Variants in KMT2A observed in about 807,000 individuals in gnomAD.
KMT2A encodes the protein histone-lysine N-methyltransferase 2A.
A neutral mutation model predicts 345.3 loss-of-function variants in KMT2A; 16 were observed. The ratio of observed to expected loss-of-function variants is 0.05; its 90% CI spans 0.03 to 0.07. KMT2A has a LOEUF of 0.07. Ranked by LOEUF, KMT2A falls within the 10% of genes least tolerant of loss-of-function variation. The probability of loss-of-function intolerance (pLI) is 1.00; values close to 1 mark genes in which losing one functional copy is unlikely to be tolerated. For missense variants in KMT2A, 3,272 were observed against 4,841.6 expected (o/e 0.68, Z 9.62); for synonymous variants, 1,599 against 1,778.6 (o/e 0.90, Z 2.54).
In KMT2A at chr11:118,473,477, C is replaced by T. The variant is rs1555036472; in HGVS notation, c.2318C>T (p.Pro773Leu). The part of the protein sequence containing the change: ...SSSELSPLTP[P>L]SSVSSSLSIS... ...TCTGAGCTCTCACCTCTCACCCCCC[C>T]GTCTTCTGTCTCTTCCTCGTTAAGC... Residue 773 changes from proline to leucine, a missense_variant, in exon 3 of 36, where the codon CCG becomes CTG. Physicochemically the swap from Pro to Leu is moderately conservative, Grantham distance 98. Transcript: ENST00000534358. The surrounding 1 kb of genome is among the most constrained non-coding windows in gnomAD (Gnocchi z 5.2). 6 of 1,614,086 alleles carry T rather than the reference C, an allele frequency of 3.7e-6. No individual in the cohort carries two copies. Among genetic ancestry groups the T allele is most frequent in the African/African-American group, 1.3e-5 (1 of 74,920 alleles).
At chr11:118,447,280 T>C (rs929680666) in intron 1 of KMT2A, among the ~76,000 whole-genome samples, 2 of 152,242 alleles carry the variant, frequency 1.3e-5, no homozygotes. Context: ...CATTTCTAAG[T>C]CATCATTTAT....
In KMT2A at chr11:118,491,513, T is replaced by G. The variant is rs1555042460; in HGVS notation, c.4819+195T>G. ...AATATATGCCTTTAAAGTATTTATT[T>G]GCTGTCCTTTGTGTGTTCCATAACC... On this transcript the variant is annotated intron_variant, in intron 14 of 35. Coordinates refer to ENST00000534358, the MANE Select transcript of KMT2A (RefSeq NM_001197104.2). This position sits in a 1 kb window ranked among gnomAD's most constrained non-coding sequence, Gnocchi z 4.2. Among the ~76,000 whole-genome samples, 1 of 152,242 alleles carries G rather than the reference T, an allele frequency of 6.6e-6. No individual in the cohort carries two copies. The highest frequency in any genetic ancestry group is 1.5e-5 in the Non-Finnish European group (1 of 68,048).
Position 118,504,433 on chromosome 11 carries a change from C to T in KMT2A, c.8541C>T (p.Ile2847=), listed in dbSNP as rs782337956. 6.2e-7 allele frequency: 1 copy of T among 1,614,130 alleles called. No individual in the cohort carries two copies. The highest frequency in any genetic ancestry group is 1.3e-5 in the African/African-American group (1 of 75,018). The change falls in exon 27 of 36, where the codon ATC becomes ATT. Residue 2847 remains isoleucine, a synonymous_variant. Transcript: ENST00000534358. This position sits in a 1 kb window ranked among gnomAD's most constrained non-coding sequence, Gnocchi z 6.4. ...DNNNSDDCGN[I]LPSDIMDFVL... ...ACAACAGTGATGACTGTGGGAATAT[C>T]CTGCCTTCAGACATTATGGACTTTG... is the stretch of plus-strand genomic sequence containing the variant.
rs551247010 is a variant in KMT2A at position 118,498,969 on chromosome 11, G to A, written c.5962-334G>A. On this transcript the variant is annotated intron_variant, in intron 22 of 35. Transcript: ENST00000534358. The surrounding 1 kb of genome is among the most constrained non-coding windows in gnomAD (Gnocchi z 4.4). ...CCATTTGCAGAGTTTCACATAGTTG[G>A]AATCATATAGTACATAGCCTTTTCA... Among the ~76,000 whole-genome samples the A allele has an allele frequency of 6.6e-6, 1 of 152,268 alleles. No homozygotes were observed. Among genetic ancestry groups the A allele is most frequent in the South Asian group, 2.1e-4 (1 of 4,826 alleles).
rs1272187326 is a variant in KMT2A, at chr11:118,493,938, T to C, written c.5179-350T>C. Among the ~76,000 whole-genome samples, 6 of 152,302 alleles carry C rather than the reference T, an allele frequency of 3.9e-5. No homozygotes were observed. Among genetic ancestry groups the C allele is most frequent in the South Asian group, 2.1e-4 (1 of 4,830 alleles). On this transcript the variant is annotated intron_variant, in intron 16 of 35. Coordinates refer to ENST00000534358, the MANE Select transcript of KMT2A (RefSeq NM_001197104.2). The surrounding 1 kb of genome is among the most constrained non-coding windows in gnomAD (Gnocchi z 5.8). The stretch of plus-strand genomic sequence containing the variant: ...GTTGGCTAGGCTGGTCATGAACTCC[T>C]GACCTTAAGTGATCCACCCACATCA...
Position 118,498,630 on chromosome 11 carries a change from T to C in KMT2A, c.5961+102T>C. 4 of 1,187,420 alleles carry C rather than the reference T, an allele frequency of 3.4e-6. No individual in the cohort carries two copies. The South Asian group carries it at 6.2e-5, about 18-fold the overall frequency. The allele number at this position is 1,187,420 out of a possible 1,614,324, so 73.6% of individuals were successfully genotyped here. A position where few individuals can be genotyped will look rare whatever the true frequency, so the allele number is the denominator to read the frequency against. On this transcript the variant is annotated intron_variant, in intron 22 of 35. Transcript: ENST00000534358. The surrounding 1 kb of genome is among the most constrained non-coding windows in gnomAD (Gnocchi z 4.4). ...CTGGAAGGTACAGAGATTTCCCATA[T>C]GCCCCCTGCACCCACATATGCACAG...
chr11:118,484,770 A>G lies in KMT2A; in HGVS notation c.4219-92A>G, dbSNP rs1236197570. On this transcript the variant is annotated intron_variant, in intron 9 of 35. Coordinates refer to ENST00000534358, the MANE Select transcript of KMT2A (RefSeq NM_001197104.2). This position sits in a 1 kb window ranked among gnomAD's most constrained non-coding sequence, Gnocchi z 4.1. ...TGAAATGAAATACTCTGACATTGTG[A>G]TGTCACACTAATTTTATGCTTTTCA... 2 of 822,712 alleles carry G rather than the reference A, an allele frequency of 2.4e-6. No homozygotes were observed. Among genetic ancestry groups the G allele is most frequent in the Non-Finnish European group, 4.2e-6 (2 of 479,662 alleles). 51.0% of individuals were successfully genotyped at this position (822,712 alleles called of 1,614,324 possible). A position where few individuals can be genotyped will look rare whatever the true frequency, so the allele number is the denominator to read the frequency against.
Position 118,472,693 on chromosome 11 carries a change from C to T in KMT2A, c.1534C>T (p.Pro512Ser), listed in dbSNP as rs782789983. The T allele has an allele frequency of 6.2e-7, 1 of 1,613,410 alleles. No homozygotes were observed. Among genetic ancestry groups the T allele is most frequent in the South Asian group, 1.1e-5 (1 of 91,016 alleles). Residue 512 changes from proline to serine, a missense_variant, in exon 3 of 36, where the codon CCA (proline) becomes TCA (serine). This residue lies in a region of KMT2A where 180 missense variants were observed against 190.7 expected (regional missense o/e 0.94). Transcript: ENST00000534358. Reference sequence around the variant, plus strand: ...GAGCGATACCCCTGAAGTTCATCCTCCACTGCCCATTTCCCAGTCCCCAGA... The same window carrying T: ...GAGCGATACCCCTGAAGTTCATCCTTCACTGCCCATTTCCCAGTCCCCAGA... ...ERSDTPEVHP[P>S]LPISQSPENE... is the part of the protein sequence containing the mutation.
intron 31 of KMT2A, among the ~76,000 whole-genome samples, chr11:118,517,659 G>A (rs979830677): frequency 6.6e-6 from 1 of 152,012 alleles, no homozygotes; most frequent in Admixed American, 6.5e-5. Context: ...GGGCAACACA[G>A]TAAGACCCTG....
chr11:118,465,042 G>T (rs1194824084), intron 1 of KMT2A, among the ~76,000 whole-genome samples: 1 of 152,168 alleles, frequency 6.6e-6, no homozygotes, highest in Admixed American at 6.5e-5. Flanking sequence ...ATTTTCATGA[G>T]AAGTCATTCA....
chr11:118,460,934 T>C (rs1490551988), intron 1 of KMT2A, among the ~76,000 whole-genome samples: 6 of 152,256 alleles, frequency 3.9e-5, no homozygotes, highest in African/African-American at 1.4e-4. Context: ...AATCATGTCT[T>C]ACTCAATGTT....
Position 118,506,230 on chromosome 11 carries a change from T to C in KMT2A, c.10338T>C (p.Ser3446=). The C allele has an allele frequency of 6.2e-7, 1 of 1,614,164 alleles. No individual in the cohort carries two copies. The highest frequency in any genetic ancestry group is 8.5e-7 in the Non-Finnish European group (1 of 1,180,002). Residue 3446 remains serine, a synonymous_variant, in exon 27 of 36, where the codon TCT becomes TCC. Coordinates refer to ENST00000534358, the MANE Select transcript of KMT2A (RefSeq NM_001197104.2). ...CGGGCATAACAGCCGCTTCACCTTC[T>C]GGGGAAGCAGACGAACACTATCAGC... ...QTTGITAASP[S]GEADEHYQLQ... is the part of the protein sequence containing the mutation.
chr11:118,455,670 AT>A (rs151144961), intron 1 of KMT2A, among the ~76,000 whole-genome samples: 10,868 of 148,926 alleles, frequency 0.073, 483 homozygotes, highest in African/African-American at 0.12. Context: ...TATTATTATT[AT>A]TTTTTTTTAT....
At position 118,472,440 on chromosome 11, in the gene KMT2A, G is replaced by T. The variant is rs1363564560; in HGVS notation, c.1281G>T (p.Arg427=). Reference sequence around the variant, plus strand: ...CGCGGATCATTAAGACCCCTCGGCGGTTTATAGAGGATGAGGATTATGACC... The same window carrying T: ...CGCGGATCATTAAGACCCCTCGGCGTTTTATAGAGGATGAGGATTATGACC... The part of the protein sequence containing the change: ...ISSRIIKTPR[R]FIEDEDYDPP... The change falls in exon 3 of 36, where the codon CGG becomes CGT. Residue 427 remains arginine (R), a synonymous_variant. Coordinates refer to ENST00000534358, the MANE Select transcript of KMT2A (RefSeq NM_001197104.2). The T allele has an allele frequency of 6.2e-7, 1 of 1,614,036 alleles. No homozygotes were observed. The highest frequency in any genetic ancestry group is 8.5e-7 in the Non-Finnish European group (1 of 1,180,014).
rs1950542883 is a variant in KMT2A at position 118,504,018 on chromosome 11, A to G, written c.8126A>G (p.Glu2709Gly). The G allele has an allele frequency of 6.2e-7, 1 of 1,614,196 alleles. No homozygotes were observed. Among genetic ancestry groups the G allele is most frequent in the Non-Finnish European group, 8.5e-7 (1 of 1,180,020 alleles). Residue 2709 changes from glutamate (E) to glycine (G), a missense_variant, in exon 27 of 36, where the codon GAG becomes GGG. This residue lies in a region of KMT2A where 47 missense variants were observed against 53.6 expected (regional missense o/e 0.88). Transcript: ENST00000534358. The surrounding 1 kb of genome is among the most constrained non-coding windows in gnomAD (Gnocchi z 6.4). ...RLASHNLFRE[E>G]EQCDLPKISQ... ...GCATCCCATAATTTATTTCGGGAGG[A>G]GGAACAGTGTGATCTTCCAAAAATC... is the stretch of plus-strand genomic sequence containing the variant.
At chr11:118,455,671 T>A (rs995145468) in intron 1 of KMT2A, among the ~76,000 whole-genome samples, 7 of 129,498 alleles carry the variant, frequency 5.4e-5, no homozygotes, top group Admixed American at 2.2e-4. Context: ...ATTATTATTA[T>A]TTTTTTTTAT....
intron 6 of KMT2A, among the ~76,000 whole-genome samples, chr11:118,480,914 G>A (rs1366111719): frequency 6.6e-6 from 1 of 151,934 alleles, no homozygotes; most frequent in Admixed American, 6.6e-5. Context: ...CAATCCTCTC[G>A]CCTTGGCCTC....
At position 118,520,745 on chromosome 11, in the gene KMT2A, A is replaced by C. The variant is rs1555053270; in HGVS notation, c.11430-57A>C. 3 of 1,286,436 alleles carry C rather than the reference A, an allele frequency of 2.3e-6. No individual in the cohort carries two copies. The allele number at this position is 1,286,436 out of a possible 1,614,324, so 79.7% of individuals were successfully genotyped here. On this transcript the variant is annotated intron_variant, in intron 33 of 35. Coordinates refer to ENST00000534358, the MANE Select transcript of KMT2A (RefSeq NM_001197104.2). The surrounding 1 kb of genome is among the most constrained non-coding windows in gnomAD (Gnocchi z 4.3). Reference sequence around the variant, plus strand: ...ATTGTCTCTAGGAACCTTCGATTCAAGACTCAAAACATTATTTCCTGAAAA... The same window carrying C: ...ATTGTCTCTAGGAACCTTCGATTCACGACTCAAAACATTATTTCCTGAAAA...
In KMT2A at chr11:118,484,044, A is replaced by G. The variant is rs74765846; in HGVS notation, c.4087-139A>G. 1.1e-6 allele frequency: 1 copy of G among 899,416 alleles called. No homozygotes were observed. The highest frequency in any genetic ancestry group is 1.7e-5 in the African/African-American group (1 of 59,128). 55.7% of individuals were successfully genotyped at this position (899,416 alleles called of 1,614,324 possible). On this transcript the variant is annotated intron_variant, in intron 8 of 35. Coordinates refer to ENST00000534358, the MANE Select transcript of KMT2A (RefSeq NM_001197104.2). The surrounding 1 kb of genome is among the most constrained non-coding windows in gnomAD (Gnocchi z 4.1). ...AAGACCCAGTCTCTTTTAAAAAAAAATTCAAAGATTATTTGTTTATGTTGG... is the reference window on the plus strand; with the variant it reads ...AAGACCCAGTCTCTTTTAAAAAAAAGTTCAAAGATTATTTGTTTATGTTGG...
Sources: allele counts gnomAD v4.1 joint callset (sites outside exome capture counted in the v4.1 genomes callset), GRCh38; gene constraint gnomAD v4.1.1; regional missense constraint gnomAD v4.1.1; non-coding constraint Gnocchi (gnomAD v3.1); transcripts MANE v1.5; gene names NCBI Gene and HGNC (gene_info 2026-07-23, HGNC 2026-07-21).